The following MBTPS1 variants were observed in gnomAD, a reference collection of about 807,000 sequenced individuals.
MBTPS1 encodes membrane-bound transcription factor site-1 protease.
MBTPS1 carries 94 observed loss-of-function variants against 127.8 expected under a neutral mutation model. That is an observed-to-expected ratio of 0.74 (90% CI 0.62 to 0.87). The LOEUF (loss-of-function observed/expected upper bound fraction) is 0.87, where lower values mean the gene tolerates loss of function less well. Among genes scored for constraint, MBTPS1 ranks in the 40% least tolerant of loss-of-function variants. The pLI is 0.00. For synonymous variants in MBTPS1, 632 were observed against 509.4 expected, an observed-to-expected ratio of 1.24 and a Z score of -3.24; for missense variants, 1,636 against 1,353.2, an observed-to-expected ratio of 1.21 and a Z score of -3.28.
chr16:84,110,606 C>T (rs2086384693), intron 1 of MBTPS1: 1 of 152,174 alleles, frequency 6.6e-6, no homozygotes, highest in Non-Finnish European at 1.5e-5. Context: ...GTAGCAGGTG[C>T]CATTCTAAGT....
At chr16:84,073,193 G>A (rs532094270) in intron 12 of MBTPS1, among the ~76,000 whole-genome samples, 1 of 152,204 alleles carries the variant, frequency 6.6e-6, no homozygotes, top group South Asian at 2.1e-4. Context: ...GAGTACAGTG[G>A]CATGATCTCG....
At chr16:84,108,772 C>A (rs200720063) in intron 1 of MBTPS1, among the ~76,000 whole-genome samples, 4 of 152,054 alleles carry the variant, frequency 2.6e-5, no homozygotes, top group African/African-American at 9.7e-5. Flanking sequence ...GAAGAAGGCA[C>A]CAGGCAGGCA....
intron 22 of MBTPS1, among the ~76,000 whole-genome samples, chr16:84,055,074 G>T (rs992470556): frequency 6.6e-6 from 1 of 152,238 alleles, no homozygotes; most frequent in Non-Finnish European, 1.5e-5. Flanking sequence ...GGGCGTGGCG[G>T]AAGAAGCACC....
intron 1 of MBTPS1, among the ~76,000 whole-genome samples, chr16:84,113,295 C>A (rs1193479487): frequency 6.6e-6 from 1 of 152,152 alleles, no homozygotes; most frequent in African/African-American, 2.4e-5. Flanking sequence ...TCTATAAATT[C>A]TTTATGCAGA....
Position 84,083,139 on chromosome 16 carries a change from G to A in MBTPS1, c.1287-1231C>T, listed in dbSNP as rs546940351. Among the ~76,000 whole-genome samples the A allele has an allele frequency of 5.7e-4, 87 of 152,320 alleles. No homozygotes were observed. In the South Asian group the frequency reaches 0.016, roughly 28 times the overall value. On this transcript the variant is annotated intron_variant, in intron 10 of 22. Transcript: ENST00000343411. ...CTCACTTCCTGCTAACAATCATGGC[G>A]TTTAGGAGAAATGAACCAGTATTTT...
In MBTPS1 at chr16:84,090,971, G is replaced by C. The variant is rs1246372766; in HGVS notation, c.964-29C>G. ...CAAAAGGAGCATTTATTTAATGAAA[G>C]TATCCCTTTCATTAAACATATAACT... On this transcript the variant is annotated intron_variant, in intron 7 of 22. Transcript: ENST00000343411. The C allele has an allele frequency of 4.5e-6, 6 of 1,320,590 alleles. No individual in the cohort carries two copies. In the African/African-American group the frequency reaches 6.0e-5, roughly 13 times the overall value. The allele number at this position is 1,320,590 out of a possible 1,614,324, so 81.8% of individuals were successfully genotyped here.
At chr16:84,111,947 T>C (rs1306276737) in intron 1 of MBTPS1, among the ~76,000 whole-genome samples, 2 of 149,758 alleles carry the variant, frequency 1.3e-5, no homozygotes, top group Non-Finnish European at 3.0e-5. Flanking sequence ...ATTCCTGTAA[T>C]CCCAGCACTT....
At chr16:84,089,321 C>T (rs2086072384) in intron 8 of MBTPS1, among the ~76,000 whole-genome samples, 2 of 152,254 alleles carry the variant, frequency 1.3e-5, no homozygotes, top group African/African-American at 4.8e-5. Flanking sequence ...TTCATTTACA[C>T]ATATATCACC....
In MBTPS1 at chr16:84,116,900, T is replaced by A. The variant is rs1296545685; in HGVS notation, c.-490A>T. The A allele has an allele frequency of 2.0e-5, 3 of 152,390 alleles. No individual in the cohort carries two copies. The highest frequency in any genetic ancestry group is 4.1e-4 in the South Asian group (2 of 4,832). The allele number at this position is 152,390 out of a possible 1,614,324, so 9.4% of individuals were successfully genotyped here. ...GAGCCTCAGCTCCGCCGACCCAGCG[T>A]GCCCTGTCTGTCCCGCGCTCCCGGG... On this transcript the variant is annotated 5_prime_UTR_variant, in exon 1 of 23. Coordinates refer to ENST00000343411, the MANE Select transcript of MBTPS1 (RefSeq NM_003791.4).
chr16:84,060,657 C>A, intron 20 of MBTPS1, 25 bp downstream of exon 20: 4 of 1,607,078 alleles, frequency 2.5e-6, no homozygotes, highest in Non-Finnish European at 3.4e-6. Context: ...ATTCCCTCCC[C>A]AAGGCATCCT....
At chr16:84,065,641 G>C (rs558020886) in intron 18 of MBTPS1, 49 bp downstream of exon 18, 1 of 1,201,902 alleles carries the variant, frequency 8.3e-7, no homozygotes, top group South Asian at 1.2e-5. Context: ...CGGGGGAAAA[G>C]GGAGCGAGAG....
chr16:84,099,061 T>C lies in MBTPS1; in HGVS notation c.413A>G (p.Tyr138Cys), dbSNP rs746041915. ...ACAGTCACAATACTCACATTCAGCA[T>C]ACTTGAGGGAACGAAAGACTTTTCG... ...PQRKVFRSLK[Y>C]AESDPTVPCN... Residue 138 changes from tyrosine (Y) to cysteine (C), a missense_variant, in exon 3 of 23, where the codon TAT becomes TGT. Transcript: ENST00000343411. 2 of 1,614,082 alleles carry C rather than the reference T, an allele frequency of 1.2e-6. No individual in the cohort carries two copies. Among genetic ancestry groups the C allele is most frequent in the East Asian group, 2.2e-5 (1 of 44,880 alleles).
chr16:84,060,674 C>G lies in MBTPS1; in HGVS notation c.2704+8G>C. On this transcript the variant is annotated splice_region_variant and intron_variant, in intron 20 of 22. Transcript: ENST00000343411. ...TCCCTCCCCAAGGCATCCTGCCCAT[C>G]CACTCACCTTCCATCCTCTCTGGAG... is the stretch of plus-strand genomic sequence containing the variant. The G allele has an allele frequency of 1.9e-6, 3 of 1,611,766 alleles. No individual in the cohort carries two copies. In the South Asian group the frequency reaches 3.3e-5, roughly 18 times the overall value.
chr16:84,103,465 G>A (rs1219007735), intron 1 of MBTPS1, among the ~76,000 whole-genome samples: 2 of 152,062 alleles, frequency 1.3e-5, no homozygotes, highest in Admixed American at 6.6e-5. Context: ...TCGGCATTTT[G>A]TCCAGGCTGG....
At position 84,091,763 on chromosome 16, in the gene MBTPS1, G is replaced by A. The variant is rs1170719588; in HGVS notation, c.932C>T (p.Pro311Leu). Residue 311 changes from proline (P) to leucine (L), a missense_variant, in exon 7 of 23, where the codon CCG becomes CTG. Pro to Leu is a moderately conservative substitution (Grantham distance 98). Transcript: ENST00000343411. Reference sequence around the variant, plus strand: ...AACAAACGGATGATCCATGAAGTCCGGGCCGCCGATGCTGAGGTTTAACAC... The same window carrying A: ...AACAAACGGATGATCCATGAAGTCCAGGCCGCCGATGCTGAGGTTTAACAC... Reference protein sequence around the residue: ...IDVLNLSIGGPDFMDHPFVDK... With the variant: ...IDVLNLSIGGLDFMDHPFVDK... 8 of 1,613,984 alleles carry A rather than the reference G, an allele frequency of 5.0e-6. No homozygotes were observed. The highest frequency in any genetic ancestry group is 1.6e-4 in the Middle Eastern group (1 of 6,062).
intron 3 of MBTPS1, 97 bp downstream of exon 3, chr16:84,098,956 A>C: frequency 8.5e-7 from 1 of 1,180,108 alleles, no homozygotes; most frequent in Non-Finnish European, 1.2e-6. Flanking sequence ...AGATGGAAGG[A>C]TGCGGATACT....
chr16:84,107,274 C>T (rs74032828), intron 1 of MBTPS1, among the ~76,000 whole-genome samples: 6,559 of 152,242 alleles, frequency 0.043, 246 homozygotes, highest in African/African-American at 0.096. Context: ...TGAGCCTGGC[C>T]GCCAGACTGT....
chr16:84,082,036 T>C, intron 10 of MBTPS1, 128 bp from the exon 11 acceptor site: 1 of 573,714 alleles, frequency 1.7e-6, no homozygotes, highest in East Asian at 3.5e-5. Flanking sequence ...CAGGTGCTTG[T>C]CTGGCACAGC....
rs752259432 is a variant in MBTPS1 at position 84,095,740 on chromosome 16, G to T, written c.487C>A (p.Arg163=). ...SQKWQSSRPL[R]RASLSLGSGF... Reference sequence around the variant, plus strand: ...GAGCCCAGGGAGAGGCTGGCTCTTCGCAGGGGACGTGATGATTGCCACTTC... The same window carrying T: ...GAGCCCAGGGAGAGGCTGGCTCTTCTCAGGGGACGTGATGATTGCCACTTC... Residue 163 remains arginine (R), a synonymous_variant, in exon 4 of 23, where the codon CGA becomes AGA. Coordinates refer to ENST00000343411, the MANE Select transcript of MBTPS1 (RefSeq NM_003791.4). 2 of 1,614,168 alleles carry T rather than the reference G, an allele frequency of 1.2e-6. No homozygotes were observed. The highest frequency in any genetic ancestry group is 2.2e-5 in the South Asian group (2 of 91,088).
Sources: allele counts gnomAD v4.1 joint callset (sites outside exome capture counted in the v4.1 genomes callset), GRCh38; gene constraint gnomAD v4.1.1; transcripts MANE v1.5; gene names NCBI Gene and HGNC (gene_info 2026-07-23, HGNC 2026-07-21).